Variants in R3HDM1 observed in about 807,000 individuals in gnomAD.
R3HDM1 encodes the protein R3H domain containing 1, also known as R3H domain-containing protein 1.
In R3HDM1, 46 loss-of-function variants were observed where a neutral mutation model predicts 141.1. The ratio of observed to expected loss-of-function variants is 0.33; its 90% CI spans 0.26 to 0.42. The LOEUF (loss-of-function observed/expected upper bound fraction) is 0.42. R3HDM1 is among the 10% of genes least tolerant of loss of function. The probability of loss-of-function intolerance (pLI) is 1.00; values close to 1 mark genes in which losing one functional copy is unlikely to be tolerated. For synonymous variants in R3HDM1, 435 were observed against 472.9 expected, an observed-to-expected ratio of 0.92 and a Z score of 1.04; for missense variants, 1,184 against 1,368.3, an observed-to-expected ratio of 0.87 and a Z score of 2.12.
intron 21 of R3HDM1, among the ~76,000 whole-genome samples, chr2:135,707,250 G>C (rs2075067238): frequency 6.6e-6 from 1 of 152,190 alleles, no homozygotes; most frequent in South Asian, 2.1e-4. Context: ...AATTACTATA[G>C]AACTGATTCA....
At chr2:135,600,632 G>T (rs1226734644) in intron 1 of R3HDM1, among the ~76,000 whole-genome samples, 2 of 152,160 alleles carry the variant, frequency 1.3e-5, no homozygotes, top group Non-Finnish European at 2.9e-5. Flanking sequence ...ATCGTCTAAT[G>T]CTAGTGCACT....
At chr2:135,590,659 G>GTA in intron 1 of R3HDM1, 1 of 985,218 alleles carries the variant, frequency 1.0e-6, no homozygotes, top group Non-Finnish European at 1.2e-6. Flanking sequence ...AGCTCTACAT[G>GTA]TATAGTATGT....
At position 135,546,021 on chromosome 2, in the gene R3HDM1, A is replaced by G. The variant is rs554246593; in HGVS notation, c.-250+14388A>G. On this transcript the variant is annotated intron_variant, in intron 1 of 26. Coordinates refer to ENST00000683871, the MANE Select transcript of R3HDM1 (RefSeq NM_001378107.1). ...CTGTCTTCTTCCAGGGGATATCAGA[A>G]TAGGGGAAGAGGAGATGCCTGGCTC... Among the ~76,000 whole-genome samples the G allele has an allele frequency of 2.5e-4, 38 of 152,266 alleles. No individual in the cohort carries two copies. The South Asian group carries it at 7.7e-3, about 31-fold the overall frequency.
chr2:135,569,077 G>T (rs982321957), intron 1 of R3HDM1, among the ~76,000 whole-genome samples: 1 of 152,152 alleles, frequency 6.6e-6, no homozygotes, highest in Non-Finnish European at 1.5e-5. Flanking sequence ...AGTTTCAGTG[G>T]TTTAATATTC....
intron 9 of R3HDM1, among the ~76,000 whole-genome samples, chr2:135,635,608 C>T (rs1016325676): frequency 2.6e-5 from 4 of 152,168 alleles, no homozygotes; most frequent in Non-Finnish European, 5.9e-5. Context: ...TTGTGCAAGT[C>T]ATAAAGCAGC....
intron 18 of R3HDM1, 112 bp from the exon 19 acceptor site, chr2:135,661,158 C>A: frequency 7.8e-7 from 1 of 1,274,488 alleles, no homozygotes; most frequent in South Asian, 1.9e-5. Flanking sequence ...ATCAGTTTTC[C>A]AATGATTAGT....
At chr2:135,602,467 T>G (rs1241621263) in intron 1 of R3HDM1, 33 bp from the exon 2 acceptor site, 3 of 1,226,752 alleles carry the variant, frequency 2.4e-6, no homozygotes, top group Non-Finnish European at 3.1e-6. Context: ...CTTGGCCATT[T>G]TGTTAAAATG....
chr2:135,600,034 TA>T (rs533671336), intron 1 of R3HDM1, among the ~76,000 whole-genome samples: 290 of 126,856 alleles, frequency 2.3e-3, no homozygotes, highest in Middle Eastern at 4.5e-3. Context: ...ACCTTGTCTC[TA>T]AAAAAAAAAA....
At chr2:135,533,653 G>A (rs752391135) in intron 1 of R3HDM1, among the ~76,000 whole-genome samples, 17 of 152,196 alleles carry the variant, frequency 1.1e-4, no homozygotes, top group Admixed American at 7.9e-4. Flanking sequence ...CTGGGCGGGC[G>A]GATCACCTGA....
At position 135,631,703 on chromosome 2, in the gene R3HDM1, C is replaced by T. The variant is rs2062735616; in HGVS notation, c.498-15C>T. 2 of 1,556,934 alleles carry T rather than the reference C, an allele frequency of 1.3e-6. No homozygotes were observed. The highest frequency in any genetic ancestry group is 1.2e-5 in the South Asian group (1 of 81,434). On this transcript the variant is annotated splice_polypyrimidine_tract_variant and intron_variant, in intron 7 of 26. Transcript: ENST00000683871. Reference sequence around the variant, plus strand: ...GCTAAGTTTTACATATAAGAGTCTTCATACTTTGTTTCAGGGACAGAATGA... The same window carrying T: ...GCTAAGTTTTACATATAAGAGTCTTTATACTTTGTTTCAGGGACAGAATGA...
intron 1 of R3HDM1, among the ~76,000 whole-genome samples, chr2:135,601,165 G>C (rs189735513): frequency 6.6e-6 from 1 of 152,158 alleles, no homozygotes; most frequent in African/African-American, 2.4e-5. Flanking sequence ...ATACTTGAAG[G>C]ATTTTTGTTT....
chr2:135,640,735 A>G (rs982715490), intron 14 of R3HDM1, among the ~76,000 whole-genome samples: 2 of 152,198 alleles, frequency 1.3e-5, no homozygotes, highest in South Asian at 2.1e-4. Context: ...CTAATTAACT[A>G]TATACATAAG....
In R3HDM1 at chr2:135,724,414, T is replaced by C. The variant is rs2105477246; in HGVS notation, c.*122T>C. 2 of 760,598 alleles carry C rather than the reference T, an allele frequency of 2.6e-6. No individual in the cohort carries two copies. The highest frequency in any genetic ancestry group is 2.4e-4 in the Middle Eastern group (1 of 4,218). The allele number at this position is 760,598 out of a possible 1,614,324, so 47.1% of individuals were successfully genotyped here. On this transcript the variant is annotated 3_prime_UTR_variant, in exon 27 of 27. Coordinates refer to ENST00000683871, the MANE Select transcript of R3HDM1 (RefSeq NM_001378107.1). ...CCTAGGATGTGTGTTCATGGCATTA[T>C]AGCTTTTGAAGAAAGGCCAGTGATC...
At chr2:135,599,490 CTATT>C (rs1559206952) in intron 1 of R3HDM1, among the ~76,000 whole-genome samples, 2 of 152,106 alleles carry the variant, frequency 1.3e-5, no homozygotes, top group African/African-American at 4.8e-5. Flanking sequence ...TACTGTACAA[CTATT>C]TATTATATTA....
chr2:135,708,052 C>G (rs1348498632), intron 21 of R3HDM1, among the ~76,000 whole-genome samples: 3 of 152,134 alleles, frequency 2.0e-5, no homozygotes, highest in Non-Finnish European at 4.4e-5. Context: ...CATATATGCC[C>G]ATCACCAATT....
rs368537239 is a variant in R3HDM1 at position 135,651,865 on chromosome 2, A to G, written c.1861A>G (p.Thr621Ala). The change falls in exon 18 of 27, where the codon ACA (threonine) becomes GCA (alanine). Residue 621 changes from threonine (T) to alanine (A), a missense_variant. Thr to Ala is a moderately conservative substitution (Grantham distance 58, BLOSUM62 0). Coordinates refer to ENST00000683871, the MANE Select transcript of R3HDM1 (RefSeq NM_001378107.1). ...QSPQQSGYIM[T>A]AAPPPHPPPP... ...TCCACAGCAGTCTGGTTATATCATG[A>G]CAGCAGCCCCTCCACCACATCCTCC... 14 of 1,613,880 alleles carry G rather than the reference A, an allele frequency of 8.7e-6. No individual in the cohort carries two copies. Among genetic ancestry groups the G allele is most frequent in the Non-Finnish European group, 1.2e-5 (14 of 1,179,956 alleles).
At position 135,694,352 on chromosome 2, in the gene R3HDM1, T is replaced by C. The variant is rs563776775; in HGVS notation, c.2459+14028T>C. On this transcript the variant is annotated intron_variant, in intron 21 of 26. Transcript: ENST00000683871. ...CCTGTGTATTTTATTTTTTGAATAA[T>C]TTCCAGGTCTTGGGAGTGTGCTGAC... 1.3e-4 allele frequency among the ~76,000 whole-genome samples: 20 copies of C among 152,304 alleles called. No individual in the cohort carries two copies. In the East Asian group the frequency reaches 3.9e-3, roughly 29 times the overall value.
chr2:135,559,602 A>G (rs1701426952), intron 1 of R3HDM1, among the ~76,000 whole-genome samples: 1 of 152,224 alleles, frequency 6.6e-6, no homozygotes, highest in South Asian at 2.1e-4. Flanking sequence ...TGTATTATCA[A>G]TTATTAGATA....
chr2:135,620,168 GT>G, intron 5 of R3HDM1: 1 of 370,508 alleles, frequency 2.7e-6, no homozygotes, highest in South Asian at 1.1e-4. Context: ...GTGCCTTTTA[GT>G]GAAGATCTAA....
Sources: gnomAD v4.1 joint callset for allele counts (sites outside exome capture counted in the v4.1 genomes callset) on GRCh38, gnomAD v4.1.1 for gene constraint, MANE v1.5 for transcripts, NCBI Gene and HGNC (gene_info 2026-07-23, HGNC 2026-07-21) for gene names.